The following ADAMTS19 variants were observed in gnomAD, a reference collection of about 807,000 sequenced individuals.
The protein encoded by ADAMTS19 is A disintegrin and metalloproteinase with thrombospondin motifs 19.
A neutral mutation model predicts 153.3 loss-of-function variants in ADAMTS19; 93 were observed. The observed-to-expected ratio is 0.61, with a 90% CI of 0.51 to 0.72. The LOEUF (loss-of-function observed/expected upper bound fraction) is 0.72, where lower values mean the gene tolerates loss of function less well. Among genes scored for constraint, ADAMTS19 ranks in the 30% least tolerant of loss-of-function variants. The probability of loss-of-function intolerance (pLI) is 0.00; values close to 1 mark genes in which losing one functional copy is unlikely to be tolerated. For missense variants in ADAMTS19, 1,482 were observed against 1,552.1 expected, an observed-to-expected ratio of 0.95 and a Z score of 0.76; for synonymous variants, 600 against 556.6, an observed-to-expected ratio of 1.08 and a Z score of -1.10.
chr5:129,701,662 C>A (rs1755864905), intron 20 of ADAMTS19, 70 bp downstream of exon 20: 8 of 1,521,496 alleles, frequency 5.3e-6, no homozygotes, highest in Non-Finnish European at 7.1e-6. Flanking sequence ...CAGGTTGGAT[C>A]ATGTTCAGAA....
At chr5:129,529,385 A>G (rs2126770370) in intron 6 of ADAMTS19, among the ~76,000 whole-genome samples, 1 of 152,300 alleles carries the variant, frequency 6.6e-6, no homozygotes, top group African/African-American at 2.4e-5. Flanking sequence ...AATCATTGAA[A>G]TCATTGTAGT....
intron 20 of ADAMTS19, among the ~76,000 whole-genome samples, chr5:129,702,120 G>A (rs1183594093): frequency 6.6e-6 from 1 of 152,166 alleles, no homozygotes; most frequent in African/African-American, 2.4e-5. Context: ...GTAGAGCTGG[G>A]ATTTGAACCC....
At chr5:129,668,631 G>A (rs908692645) in intron 16 of ADAMTS19, among the ~76,000 whole-genome samples, 4 of 151,872 alleles carry the variant, frequency 2.6e-5, no homozygotes, top group African/African-American at 9.7e-5. Context: ...TCTAACGTGG[G>A]GTTAGGATTT....
intron 7 of ADAMTS19, among the ~76,000 whole-genome samples, chr5:129,579,936 T>C (rs1749426454): frequency 6.6e-6 from 1 of 152,180 alleles, no homozygotes; most frequent in Non-Finnish European, 1.5e-5. Flanking sequence ...TTTGGCTCCA[T>C]ATGAAATTCA....
chr5:129,604,073 G>A (rs1339408089), intron 8 of ADAMTS19, among the ~76,000 whole-genome samples: 1 of 152,088 alleles, frequency 6.6e-6, no homozygotes, highest in African/African-American at 2.4e-5. Context: ...ATAGAGACAG[G>A]GAGGGGAACA....
chr5:129,554,158 T>TTTTATA (rs1194549191), intron 7 of ADAMTS19, among the ~76,000 whole-genome samples: 8 of 152,102 alleles, frequency 5.3e-5, no homozygotes, highest in African/African-American at 1.9e-4. Context: ...TAAAAAGGAA[T>TTTTATA]TGAGCATCTA....
intron 21 of ADAMTS19, among the ~76,000 whole-genome samples, chr5:129,726,593 G>T (rs1037106458): frequency 2.6e-5 from 4 of 152,058 alleles, no homozygotes; most frequent in African/African-American, 9.7e-5. Context: ...CCTACTTAAG[G>T]GTCCACTCTA....
chr5:129,498,557 G>A (rs1750998906), intron 2 of ADAMTS19, among the ~76,000 whole-genome samples: 1 of 151,988 alleles, frequency 6.6e-6, no homozygotes, highest in Non-Finnish European at 1.5e-5. Flanking sequence ...CAAACATGTT[G>A]TTATAAATGA....
intron 2 of ADAMTS19, chr5:129,500,532 A>G (rs544521544): frequency 2.2e-3 from 338 of 152,236 alleles, no homozygotes; most frequent in African/African-American, 7.7e-3. Context: ...AGTCACTTGC[A>G]ACGCCTGCCT....
At chr5:129,669,141 C>T (rs974622976) in intron 16 of ADAMTS19, among the ~76,000 whole-genome samples, 5 of 151,874 alleles carry the variant, frequency 3.3e-5, no homozygotes, top group Non-Finnish European at 5.9e-5. Context: ...GACCATTCAA[C>T]TGAGAAAGGA....
At chr5:129,582,551 G>C (rs1020769459) in intron 7 of ADAMTS19, among the ~76,000 whole-genome samples, 5 of 151,602 alleles carry the variant, frequency 3.3e-5, no homozygotes, top group African/African-American at 1.2e-4. Context: ...CAATCTCCTA[G>C]TCTGTGTCTT....
chr5:129,530,887 T>A (rs1280834463), intron 6 of ADAMTS19, among the ~76,000 whole-genome samples: 1 of 151,638 alleles, frequency 6.6e-6, no homozygotes, highest in Non-Finnish European at 1.5e-5. Flanking sequence ...ACAGATGATA[T>A]GAAATGGTAC....
chr5:129,717,734 T>C (rs912421621), intron 21 of ADAMTS19, among the ~76,000 whole-genome samples: 1 of 152,168 alleles, frequency 6.6e-6, no homozygotes, highest in Non-Finnish European at 1.5e-5. Flanking sequence ...AATTTTCTCC[T>C]GAATTGGCAA....
chr5:129,663,278 C>T (rs1429886507), intron 15 of ADAMTS19, among the ~76,000 whole-genome samples: 2 of 152,142 alleles, frequency 1.3e-5, no homozygotes, highest in East Asian at 3.9e-4. Context: ...CTTGACTTCT[C>T]TTCTTGATTT....
In ADAMTS19 at chr5:129,703,491, G is replaced by A. The variant is rs994218465; in HGVS notation, c.3160-748G>A. Among the ~76,000 whole-genome samples, 3 of 152,208 alleles carry A rather than the reference G, an allele frequency of 2.0e-5. No homozygotes were observed. The East Asian group carries it at 5.8e-4, about 29-fold the overall frequency. The stretch of plus-strand genomic sequence containing the variant: ...CTCACACCTATAATCCCAACACTTT[G>A]GGAGGCCAAGGTGGGTGGACCACTT... On this transcript the variant is annotated intron_variant, in intron 20 of 22. Transcript: ENST00000274487.
intron 15 of ADAMTS19, among the ~76,000 whole-genome samples, chr5:129,659,260 G>C (rs1753723342): frequency 6.6e-6 from 1 of 152,134 alleles, no homozygotes; most frequent in Admixed American, 6.6e-5. Flanking sequence ...TAGATTAATA[G>C]CAGAGTTCAT....
intron 19 of ADAMTS19, among the ~76,000 whole-genome samples, chr5:129,700,434 T>C (rs1755780264): frequency 6.6e-6 from 1 of 152,190 alleles, no homozygotes; most frequent in Non-Finnish European, 1.5e-5. Flanking sequence ...TAGTTGCTGC[T>C]GATAAGTGTA....
intron 21 of ADAMTS19, among the ~76,000 whole-genome samples, chr5:129,713,983 G>A (rs897531685): frequency 6.6e-6 from 1 of 152,082 alleles, no homozygotes; most frequent in South Asian, 2.1e-4. Context: ...AGTAACAACA[G>A]GTTTCTTGGA....
intron 10 of ADAMTS19, among the ~76,000 whole-genome samples, chr5:129,624,103 G>C: frequency 8.5e-6 from 1 of 118,070 alleles, no homozygotes; most frequent in Admixed American, 1.2e-4. Flanking sequence ...CTCCGGCCTG[G>C]ACTACAGAGT....
Sources: gnomAD v4.1 joint callset for allele counts (sites outside exome capture counted in the v4.1 genomes callset) on GRCh38, gnomAD v4.1.1 for gene constraint, MANE v1.5 for transcripts, NCBI Gene and HGNC (gene_info 2026-07-23, HGNC 2026-07-21) for gene names.